The following BLTP3A variants were observed in gnomAD, a reference collection of about 807,000 sequenced individuals.
BLTP3A encodes the protein bridge-like lipid transfer protein family member 3A.
At chr6:34,871,463 T>C in the BLTP3A span, 2 of 973,460 alleles carry the variant, frequency 2.1e-6, no homozygotes, top group Non-Finnish European at 3.1e-6. Flanking sequence ...CTCTTATACC[T>C]TCCAAGAATG....
At chr6:34,836,820 G>A in the BLTP3A span, among the ~76,000 whole-genome samples, 95 of 152,288 alleles carry the variant, frequency 6.2e-4, no homozygotes, top group Middle Eastern at 0.01. Flanking sequence ...TCCCAAGCAA[G>A]GTTATGTTGT....
chr6:34,821,967 T>C, the BLTP3A span: 1 of 1,614,204 alleles, frequency 6.2e-7, no homozygotes. Flanking sequence ...TAATGACCTT[T>C]CTTGATTGCA....
chr6:34,801,009 G>T, the BLTP3A span, among the ~76,000 whole-genome samples: 25 of 152,240 alleles, frequency 1.6e-4, no homozygotes, highest in African/African-American at 5.1e-4. Flanking sequence ...GATTACAGGC[G>T]TGAGATTACA....
the BLTP3A span, among the ~76,000 whole-genome samples, chr6:34,797,061 A>G: frequency 6.6e-6 from 1 of 152,176 alleles, no homozygotes; most frequent in Admixed American, 6.6e-5. Context: ...CATACCTAGT[A>G]GTTTTTTTTG....
At chr6:34,808,346 CA>C in the BLTP3A span, among the ~76,000 whole-genome samples, 229 of 26,698 alleles carry the variant, frequency 8.6e-3, no homozygotes, top group South Asian at 0.016. Context: ...AACTCCGTCT[CA>C]AAAAAAAAAA....
the BLTP3A span, among the ~76,000 whole-genome samples, chr6:34,805,137 T>A: frequency 6.6e-6 from 1 of 151,064 alleles, no homozygotes; most frequent in Non-Finnish European, 1.5e-5. Context: ...CTACAAAAAA[T>A]AAAAAAATTA....
At chr6:34,871,400 C>G in the BLTP3A span, among the ~76,000 whole-genome samples, 3 of 152,182 alleles carry the variant, frequency 2.0e-5, no homozygotes, top group Non-Finnish European at 4.4e-5. Flanking sequence ...TGCAAGCCAT[C>G]AGGTTATCTG....
At chr6:34,792,342 C>G in the BLTP3A span, 1 of 1,467,856 alleles carries the variant, frequency 6.8e-7, no homozygotes. Context: ...CCTTCCTAAC[C>G]CTCTCCGACC....
the BLTP3A span, among the ~76,000 whole-genome samples, chr6:34,847,819 A>G: frequency 1.1e-5 from 1 of 89,364 alleles, no homozygotes; most frequent in Admixed American, 1.1e-4. Flanking sequence ...ATTATTATTT[A>G]TTTTCTTCTA....
the BLTP3A span, among the ~76,000 whole-genome samples, chr6:34,868,529 C>T: frequency 4.0e-5 from 6 of 151,302 alleles, no homozygotes; most frequent in Non-Finnish European, 7.4e-5. Flanking sequence ...TTGAAACCAC[C>T]CTGGCCAACA....
chr6:34,844,277 T>C, the BLTP3A span, among the ~76,000 whole-genome samples: 67,724 of 151,558 alleles, frequency 0.45, 17,112 homozygotes, highest in African/African-American at 0.7. Context: ...CCACCAAACC[T>C]GGCCTGGTTT....
At chr6:34,832,323 T>C in the BLTP3A span, among the ~76,000 whole-genome samples, 139 of 152,128 alleles carry the variant, frequency 9.1e-4, no homozygotes, top group African/African-American at 3.1e-3. Context: ...GGTCTCACTA[T>C]GTTGCTGGGC....
chr6:34,842,024 A>G, the BLTP3A span, among the ~76,000 whole-genome samples: 5 of 152,184 alleles, frequency 3.3e-5, no homozygotes, highest in Admixed American at 1.3e-4. Flanking sequence ...TACCATTTAT[A>G]TCTCATATAT....
the BLTP3A span, chr6:34,867,602 A>G: frequency 9.3e-6 from 15 of 1,612,898 alleles, no homozygotes; most frequent in African/African-American, 1.2e-4. Flanking sequence ...CAGTTCCTGC[A>G]TGGACAGTGC....
At chr6:34,864,663 A>T in the BLTP3A span, among the ~76,000 whole-genome samples, 1 of 152,008 alleles carries the variant, frequency 6.6e-6, no homozygotes, top group African/African-American at 2.4e-5. Flanking sequence ...GAAACTTAGG[A>T]AATGATCCTT....
chr6:34,858,470 T>C, the BLTP3A span: 12 of 1,614,164 alleles, frequency 7.4e-6, no homozygotes, highest in Admixed American at 1.8e-4. Flanking sequence ...TCCTTGGACT[T>C]TGAGGGAACA....
At chr6:34,833,295 C>G in the BLTP3A span, among the ~76,000 whole-genome samples, 1 of 152,104 alleles carries the variant, frequency 6.6e-6, no homozygotes, top group Non-Finnish European at 1.5e-5. Context: ...ACTTCACATA[C>G]CAAGGGATGA....
the BLTP3A span, chr6:34,857,905 A>G: frequency 1.2e-6 from 2 of 1,613,320 alleles, no homozygotes; most frequent in Non-Finnish European, 1.7e-6. Flanking sequence ...GACTAGATGC[A>G]TTCTGGTTGA....
the BLTP3A span, chr6:34,835,384 A>G: frequency 1.9e-6 from 3 of 1,614,146 alleles, no homozygotes; most frequent in East Asian, 2.2e-5. Context: ...CAAGGCTATG[A>G]TGAAGTATGC....
Sources: gnomAD v4.1 joint callset for allele counts (sites outside exome capture counted in the v4.1 genomes callset) on GRCh38, gnomAD v4.1.1 for gene constraint, MANE v1.5 for transcripts, NCBI Gene and HGNC (gene_info 2026-07-23, HGNC 2026-07-21) for gene names.